Variants in PCDHA9 observed in about 807,000 individuals in gnomAD.
The protein encoded by PCDHA9 is protocadherin alpha-9.
A neutral mutation model predicts 62.0 loss-of-function variants in PCDHA9; 62 were observed. The observed-to-expected ratio is 1.00, with a 90% CI of 0.81 to 1.23. The LOEUF is 1.23. Ranked by LOEUF, PCDHA9 falls within the 50% of genes most tolerant of loss-of-function variation. The pLI is 0.00. For synonymous variants in PCDHA9, 557 were observed against 567.6 expected, an observed-to-expected ratio of 0.98 and a Z score of 0.27; for missense variants, 1,205 against 1,249.8, an observed-to-expected ratio of 0.96 and a Z score of 0.54.
chr5:140,990,984 A>G (rs1213067851), intron 3 of PCDHA9, among the ~76,000 whole-genome samples: 4 of 152,200 alleles, frequency 2.6e-5, no homozygotes, highest in Admixed American at 6.5e-5. Context: ...AAGGAAGACA[A>G]TAGCTACCAT....
chr5:140,900,257 T>G (rs1184928608), intron 1 of PCDHA9, among the ~76,000 whole-genome samples: 3 of 152,108 alleles, frequency 2.0e-5, no homozygotes, highest in Admixed American at 6.6e-5. Context: ...TGAATAGTAC[T>G]CCATTGTGTA....
chr5:140,998,826 AGTGCTGGATTACTG>A (rs1301277298), intron 3 of PCDHA9, among the ~76,000 whole-genome samples: 1 of 152,240 alleles, frequency 6.6e-6, no homozygotes, highest in Non-Finnish European at 1.5e-5. Flanking sequence ...GGCCTCCCAA[AGTGCTGGATTACTG>A]GTGTGAGCCA....
At position 140,927,384 on chromosome 5, in the gene PCDHA9, C is replaced by G. The variant is rs2084146194; in HGVS notation, c.2395-51565C>G. On this transcript the variant is annotated intron_variant, in intron 1 of 3. Transcript: ENST00000532602. Reference sequence around the variant, plus strand: ...ATGGGATACTAAGCTACAGCCTAAGCCCCAGTCAGCACTTTCGCCTGGACA... The same window carrying G: ...ATGGGATACTAAGCTACAGCCTAAGGCCCAGTCAGCACTTTCGCCTGGACA... 1 of 1,613,996 alleles carries G rather than the reference C, an allele frequency of 6.2e-7. No individual in the cohort carries two copies. The highest frequency in any genetic ancestry group is 1.7e-5 in the Admixed American group (1 of 60,010).
chr5:140,995,788 T>C (rs1327222255), intron 3 of PCDHA9, among the ~76,000 whole-genome samples: 1 of 152,154 alleles, frequency 6.6e-6, no homozygotes, highest in Non-Finnish European at 1.5e-5. Context: ...GGTTTAAAAT[T>C]TGTCTCATGT....
intron 3 of PCDHA9, among the ~76,000 whole-genome samples, chr5:141,006,417 G>A (rs1010340395): frequency 6.6e-6 from 1 of 152,030 alleles, no homozygotes; most frequent in Admixed American, 6.6e-5. Flanking sequence ...GTTTCACTGT[G>A]TTAGCCAGGA....
chr5:140,945,596 T>C (rs2093812585), intron 1 of PCDHA9, among the ~76,000 whole-genome samples: 1 of 152,060 alleles, frequency 6.6e-6, no homozygotes, highest in Admixed American at 6.6e-5. Context: ...ACTTCAAAGC[T>C]ATAATAATCA....
At chr5:140,878,399 A>T (rs1246599611) in intron 1 of PCDHA9, among the ~76,000 whole-genome samples, 2 of 152,238 alleles carry the variant, frequency 1.3e-5, no homozygotes, top group East Asian at 3.8e-4. Flanking sequence ...TTGCTCACAA[A>T]ATATCTTCTT....
intron 1 of PCDHA9, among the ~76,000 whole-genome samples, chr5:140,938,931 A>T (rs1371527205): frequency 6.6e-6 from 1 of 152,044 alleles, no homozygotes; most frequent in African/African-American, 2.4e-5. Context: ...TTGGCTTTTA[A>T]CTTTCCATTC....
chr5:140,982,561 C>G lies in PCDHA9; in HGVS notation c.2540C>G (p.Pro847Arg), dbSNP rs560422677. ...QQWPTVSSAT[P>R]EPEAGEVSPP... The stretch of plus-strand genomic sequence containing the variant: ...TGGCCAACAGTATCCAGTGCAACAC[C>G]AGGTAAAGAGCTGGGGTCTCTCCAT... The change falls in exon 3 of 4, where the codon CCA (proline) becomes CGA (arginine). Residue 847 changes from proline (P) to arginine (R), a missense_variant and splice_region_variant. By Grantham distance (103) the Pro-to-Arg change is moderately radical. Coordinates refer to ENST00000532602, the MANE Select transcript of PCDHA9 (RefSeq NM_031857.2). The G allele has an allele frequency of 6.2e-7, 1 of 1,614,060 alleles. No individual in the cohort carries two copies. Among genetic ancestry groups the G allele is most frequent in the African/African-American group, 1.3e-5 (1 of 75,052 alleles).
intron 1 of PCDHA9, among the ~76,000 whole-genome samples, chr5:140,881,723 A>G (rs2058808704): frequency 6.6e-6 from 1 of 152,172 alleles, no homozygotes; most frequent in South Asian, 2.1e-4. Flanking sequence ...GGAGGTCTTG[A>G]AAAATATTAC....
At chr5:140,919,876 G>A (rs2079336654) in intron 1 of PCDHA9, among the ~76,000 whole-genome samples, 1 of 152,174 alleles carries the variant, frequency 6.6e-6, no homozygotes, top group Non-Finnish European at 1.5e-5. Flanking sequence ...AGTCTTTGAA[G>A]ACATAATTAT....
At chr5:140,957,109 T>C (rs2095334016) in intron 1 of PCDHA9, among the ~76,000 whole-genome samples, 1 of 152,174 alleles carries the variant, frequency 6.6e-6, no homozygotes, top group Non-Finnish European at 1.5e-5. Context: ...ATGGACATGA[T>C]TCTGTGTGTT....
chr5:140,980,039 C>T (rs2096874436), intron 2 of PCDHA9, among the ~76,000 whole-genome samples: 1 of 152,184 alleles, frequency 6.6e-6, no homozygotes, highest in South Asian at 2.1e-4. Context: ...ACATTGGGTG[C>T]TATTTCTGAT....
At chr5:140,884,112 C>T (rs2153400405) in intron 1 of PCDHA9, 1 of 1,613,306 alleles carries the variant, frequency 6.2e-7, no homozygotes. Flanking sequence ...CAGCTGGCGG[C>T]GGTCGGCGCG....
intron 1 of PCDHA9, chr5:140,875,742 C>T (rs782079077): frequency 3.1e-6 from 5 of 1,614,218 alleles, no homozygotes; most frequent in South Asian, 1.1e-5. Context: ...ATTCTCGGAT[C>T]GACCGCGAGA....
At chr5:140,962,710 T>C (rs2095702479) in intron 1 of PCDHA9, among the ~76,000 whole-genome samples, 1 of 152,246 alleles carries the variant, frequency 6.6e-6, no homozygotes, top group South Asian at 2.1e-4. Context: ...ATAATCATAT[T>C]GGAAAGTATT....
At chr5:140,994,998 G>A (rs2097659261) in intron 3 of PCDHA9, among the ~76,000 whole-genome samples, 1 of 152,150 alleles carries the variant, frequency 6.6e-6, no homozygotes, top group African/African-American at 2.4e-5. Context: ...AGGTTAGTTG[G>A]TTTGTTTATA....
At chr5:140,923,910 C>T (rs1280601799) in intron 1 of PCDHA9, among the ~76,000 whole-genome samples, 5 of 152,156 alleles carry the variant, frequency 3.3e-5, no homozygotes, top group African/African-American at 1.2e-4. Flanking sequence ...GTGAAGATTT[C>T]CCATACTGTT....
intron 1 of PCDHA9, among the ~76,000 whole-genome samples, chr5:140,888,250 G>A (rs2061753546): frequency 6.6e-6 from 1 of 152,128 alleles, no homozygotes; most frequent in African/African-American, 2.4e-5. Flanking sequence ...CTTTAAAGCA[G>A]TAGTTCTTGA....
Sources: gnomAD v4.1 joint callset for allele counts (sites outside exome capture counted in the v4.1 genomes callset) on GRCh38, gnomAD v4.1.1 for gene constraint, MANE v1.5 for transcripts, NCBI Gene and HGNC (gene_info 2026-07-23, HGNC 2026-07-21) for gene names.